Variants in BCL2L13 observed in about 807,000 individuals in gnomAD.
BCL2L13 encodes BCL2 like 13, also known as bcl-2-like protein 13.
BCL2L13 carries 13 observed loss-of-function variants against 25.8 expected under a neutral mutation model. The observed-to-expected ratio is 0.50, with a 90% confidence interval of 0.33 to 0.80. The LOEUF (loss-of-function observed/expected upper bound fraction) is 0.80, where lower values mean the gene tolerates loss of function less well. BCL2L13 is among the 30% of genes least tolerant of loss of function. The probability of loss-of-function intolerance (pLI) is 0.02; values close to 1 mark genes in which losing one functional copy is unlikely to be tolerated. For missense variants in BCL2L13, 504 were observed against 574.9 expected (o/e 0.88, Z 1.26); for synonymous variants, 244 against 230.3 (o/e 1.06, Z -0.54).
At chr22:17,678,029 G>C (rs991577190) in intron 2 of BCL2L13, among the ~76,000 whole-genome samples, 6 of 152,062 alleles carry the variant, frequency 3.9e-5, no homozygotes, top group African/African-American at 1.4e-4. Flanking sequence ...CTGGGCAACA[G>C]GGTGAGACCC....
intron 6 of BCL2L13, 78 bp from the exon 7 acceptor site, chr22:17,726,599 G>T: frequency 2.0e-6 from 3 of 1,496,348 alleles, no homozygotes; most frequent in South Asian, 1.3e-5. Flanking sequence ...GTTTAGGAAA[G>T]AATTTGCTTT....
At chr22:17,669,030 C>CT (rs537315017) in intron 2 of BCL2L13, among the ~76,000 whole-genome samples, 15,307 of 111,660 alleles carry the variant, frequency 0.14, 1,805 homozygotes, top group Non-Finnish European at 0.19. Flanking sequence ...CTGTTTCTTT[C>CT]TTTTTTTTTT....
rs2061383674 is a variant in BCL2L13, at chr22:17,730,703, A to G, written c.*3169A>G. On this transcript the variant is annotated 3_prime_UTR_variant, in exon 7 of 7. Coordinates refer to ENST00000317582, the MANE Select transcript of BCL2L13 (RefSeq NM_015367.4). The stretch of plus-strand genomic sequence containing the variant: ...ATTTGAGGTGGTGATCATACCCATC[A>G]AGACGGCCTTGTAGGCTATCTGATT... 6.6e-6 allele frequency: 1 copy of G among 152,184 alleles called. No individual in the cohort carries two copies. The highest frequency in any genetic ancestry group is 1.5e-5 in the Non-Finnish European group (1 of 68,034). The allele number at this position is 152,184 out of a possible 1,614,324, so 9.4% of individuals were successfully genotyped here. A position where few individuals can be genotyped will look rare whatever the true frequency, so the allele number is the denominator to read the frequency against.
rs116288596 is a variant in BCL2L13, at chr22:17,696,883, G to T, written c.456+673G>T. On this transcript the variant is annotated intron_variant, in intron 5 of 6. Coordinates refer to ENST00000317582, the MANE Select transcript of BCL2L13 (RefSeq NM_015367.4). ...TTACTTAGCACCTTGAGAAGGCAGG[G>T]TATAGGGGGATGCAGTATAGGGTGG... Among the ~76,000 whole-genome samples the T allele has an allele frequency of 5.2e-3, 798 of 152,180 alleles. 9 individuals are homozygous for T. Among genetic ancestry groups the T allele is most frequent in the African/African-American group, 0.018 (767 of 41,508 alleles).
intron 2 of BCL2L13, among the ~76,000 whole-genome samples, chr22:17,672,345 C>T (rs367927093): frequency 7.2e-5 from 11 of 152,288 alleles, no homozygotes; most frequent in Admixed American, 3.3e-4. Flanking sequence ...TCTGGGAGCT[C>T]TAGTCCATTC....
rs532474702 is a variant in BCL2L13, at chr22:17,710,360, C to A, written c.600+7974C>A. Among the ~76,000 whole-genome samples the A allele has an allele frequency of 5.9e-5, 9 of 152,046 alleles. 1 individual carries two copies. The East Asian group carries it at 1.7e-3, about 30-fold the overall frequency. The stretch of plus-strand genomic sequence containing the variant: ...CTTCGGGAGGCCGAGGCAGGCAGAT[C>A]ATTTGAGGTCAGGACTTTGAGACCA... On this transcript the variant is annotated intron_variant, in intron 6 of 6. Coordinates refer to ENST00000317582, the MANE Select transcript of BCL2L13 (RefSeq NM_015367.4).
chr22:17,722,102 T>A (rs993142358), intron 6 of BCL2L13, among the ~76,000 whole-genome samples: 1 of 152,088 alleles, frequency 6.6e-6, no homozygotes, highest in African/African-American at 2.4e-5. Flanking sequence ...TAAGTAGATA[T>A]GTATATATGT....
intron 3 of BCL2L13, among the ~76,000 whole-genome samples, chr22:17,685,760 C>CTTTTTTTTTTTTT (rs1166792513): frequency 0.02 from 1,220 of 60,590 alleles, 390 homozygotes; most frequent in East Asian, 0.034. Flanking sequence ...TTTTCTTTTT[C>CTTTTTTTTTTTTT]TTTTTTTTTT....
chr22:17,701,554 A>G (rs1245398002), intron 5 of BCL2L13, among the ~76,000 whole-genome samples: 1 of 152,208 alleles, frequency 6.6e-6, no homozygotes, highest in Non-Finnish European at 1.5e-5. Flanking sequence ...CAATTTAACA[A>G]CTATATATTT....
At chr22:17,649,930 G>A (rs1166307382) in intron 1 of BCL2L13, among the ~76,000 whole-genome samples, 3 of 132,432 alleles carry the variant, frequency 2.3e-5, no homozygotes, top group Non-Finnish European at 4.6e-5. Flanking sequence ...GGAGTGCAAT[G>A]CGTAATCTTG....
intron 1 of BCL2L13, chr22:17,629,099 C>G (rs895295423): frequency 6.3e-6 from 1 of 158,474 alleles, no homozygotes; most frequent in Non-Finnish European, 1.4e-5. Context: ...GGCGTGGTGG[C>G]TCACGCCTGC....
chr22:17,716,498 C>T (rs929037931), intron 6 of BCL2L13, among the ~76,000 whole-genome samples: 19 of 152,128 alleles, frequency 1.2e-4, no homozygotes, highest in African/African-American at 3.9e-4. Context: ...CCATAGGAAA[C>T]ACCTAGCACA....
intron 6 of BCL2L13, chr22:17,706,759 C>T: frequency 1.5e-6 from 2 of 1,352,032 alleles, no homozygotes; most frequent in Non-Finnish European, 2.0e-6. Context: ...CTTTTCATTT[C>T]CTGGGCTTGT....
intron 6 of BCL2L13, among the ~76,000 whole-genome samples, chr22:17,709,256 A>C (rs1228716125): frequency 6.6e-6 from 1 of 151,644 alleles, no homozygotes; most frequent in South Asian, 2.1e-4. Flanking sequence ...CAAAACAAAA[A>C]AAAGAGGCTC....
rs577889970 is a variant in BCL2L13 at position 17,725,776 on chromosome 22, G to T, written c.601-901G>T. 4.5e-4 allele frequency among the ~76,000 whole-genome samples: 66 copies of T among 147,616 alleles called. No homozygotes were observed. The East Asian group carries it at 8.3e-3, about 19-fold the overall frequency. On this transcript the variant is annotated intron_variant, in intron 6 of 6. Coordinates refer to ENST00000317582, the MANE Select transcript of BCL2L13 (RefSeq NM_015367.4). ...TTTGGATTTTAATTTTTTTTTTTTT[G>T]ATTTTGGAATGTTTGTGTGTATGTG...
chr22:17,682,077 G>A (rs1329320044), intron 2 of BCL2L13, among the ~76,000 whole-genome samples: 1 of 151,938 alleles, frequency 6.6e-6, no homozygotes, highest in Non-Finnish European at 1.5e-5. Flanking sequence ...GGGTGAAATT[G>A]GACTGTCAAA....
chr22:17,717,029 C>G lies in BCL2L13; in HGVS notation c.601-9648C>G, dbSNP rs750406823. ...GCTCCAGCTTTGCCTTTCTTCACCC[C>G]CTGTCCTATGCTTTGGCATACAGAA... On this transcript the variant is annotated intron_variant, in intron 6 of 6. Transcript: ENST00000317582. Among the ~76,000 whole-genome samples, 5 of 152,198 alleles carry G rather than the reference C, an allele frequency of 3.3e-5. No homozygotes were observed. The East Asian group carries it at 5.8e-4, about 18-fold the overall frequency.
At chr22:17,642,159 G>T (rs2058315628) in intron 1 of BCL2L13, among the ~76,000 whole-genome samples, 1 of 115,810 alleles carries the variant, frequency 8.6e-6, no homozygotes, top group South Asian at 2.7e-4. Context: ...TTGAGACGGA[G>T]TCTCACTGTC....
At chr22:17,630,050 T>C (rs1321982722) in intron 1 of BCL2L13, among the ~76,000 whole-genome samples, 2 of 151,628 alleles carry the variant, frequency 1.3e-5, no homozygotes, top group Non-Finnish European at 2.9e-5. Flanking sequence ...GAAACCCCAG[T>C]CTCTACTAAA....
Sources: allele counts gnomAD v4.1 joint callset (sites outside exome capture counted in the v4.1 genomes callset), GRCh38; gene constraint gnomAD v4.1.1; transcripts MANE v1.5; gene names NCBI Gene and HGNC (gene_info 2026-07-23, HGNC 2026-07-21).